PCED1B: variants seen among roughly 807,000 people sequenced by gnomAD.
PCED1B encodes PC-esterase domain containing 1B, also known as PC-esterase domain-containing protein 1B.
For missense variants in PCED1B, 573 were observed against 573.9 expected (o/e 1.00, Z 0.02); for synonymous variants, 251 against 246.1 (o/e 1.02, Z -0.19).
chr12:47,090,268 A>G (rs1243664058), intron 1 of PCED1B, among the ~76,000 whole-genome samples: 2 of 152,228 alleles, frequency 1.3e-5, no homozygotes, highest in African/African-American at 2.4e-5. Context: ...CAGAGAACTC[A>G]TATCAGAAAG....
chr12:47,108,063 T>C (rs1371311997), intron 2 of PCED1B, among the ~76,000 whole-genome samples: 1 of 152,146 alleles, frequency 6.6e-6, no homozygotes, highest in Admixed American at 6.5e-5. Flanking sequence ...GTGAGAGCCC[T>C]CAGTAAACAG....
At chr12:47,096,535 A>G (rs1479085805) in intron 1 of PCED1B, among the ~76,000 whole-genome samples, 1 of 152,096 alleles carries the variant, frequency 6.6e-6, no homozygotes, top group Non-Finnish European at 1.5e-5. Flanking sequence ...CCTCTTAAGC[A>G]CATTGAGGGC....
chr12:47,204,585 C>G (rs1303958516), intron 2 of PCED1B, among the ~76,000 whole-genome samples: 1 of 152,162 alleles, frequency 6.6e-6, no homozygotes, highest in Non-Finnish European at 1.5e-5. Context: ...AACTTTGCAA[C>G]TCCTGGTCTC....
intron 2 of PCED1B, among the ~76,000 whole-genome samples, chr12:47,188,467 A>G (rs1403049362): frequency 6.6e-6 from 1 of 152,200 alleles, no homozygotes; most frequent in African/African-American, 2.4e-5. Flanking sequence ...ATGAAATTAT[A>G]TGCTTAGGTA....
chr12:47,231,502 C>A (rs2137897577), intron 3 of PCED1B, among the ~76,000 whole-genome samples: 1 of 152,260 alleles, frequency 6.6e-6, no homozygotes, highest in Non-Finnish European at 1.5e-5. Flanking sequence ...CAAGGGTTAT[C>A]TTCTCGTGTT....
intron 2 of PCED1B, among the ~76,000 whole-genome samples, chr12:47,168,495 C>G (rs1457792161): frequency 6.6e-6 from 1 of 152,026 alleles, no homozygotes; most frequent in East Asian, 1.9e-4. Context: ...TGCTCTTTTA[C>G]TTATTATTTT....
chr12:47,176,285 G>GT (rs540802946), intron 2 of PCED1B, among the ~76,000 whole-genome samples: 48 of 152,138 alleles, frequency 3.2e-4, no homozygotes, highest in African/African-American at 1.1e-3. Context: ...TCTAATATTT[G>GT]TTTTTTTCCC....
intron 1 of PCED1B, among the ~76,000 whole-genome samples, chr12:47,089,464 A>ATATATATATG (rs1938158953): frequency 7.2e-5 from 5 of 69,342 alleles, no homozygotes; most frequent in Non-Finnish European, 1.2e-4. Flanking sequence ...AAAAATACAT[A>ATATATATATG]TATATATATA....
chr12:47,175,502 T>C (rs1941893912), intron 2 of PCED1B, among the ~76,000 whole-genome samples: 1 of 152,204 alleles, frequency 6.6e-6, no homozygotes, highest in Admixed American at 6.5e-5. Context: ...ATTTCTAGTA[T>C]ACAGAAATCC....
chr12:47,230,415 G>A lies in PCED1B; in HGVS notation c.-57-4592G>A, dbSNP rs573295338. On this transcript the variant is annotated intron_variant, in intron 3 of 3. Coordinates refer to ENST00000546455, the MANE Select transcript of PCED1B (RefSeq NM_138371.3). ...ATCATTTTCTTACACTTATTCACAC[G>A]TAAGTACTTCATAGTAGAAAATATG... 4.1e-4 allele frequency among the ~76,000 whole-genome samples: 62 copies of A among 151,126 alleles called. 1 individual carries two copies. Among genetic ancestry groups the A allele is most frequent in the African/African-American group, 1.3e-3 (55 of 41,160 alleles).
intron 2 of PCED1B, among the ~76,000 whole-genome samples, chr12:47,168,078 G>A (rs1371616043): frequency 6.6e-6 from 1 of 152,176 alleles, no homozygotes; most frequent in African/African-American, 2.4e-5. Context: ...AGAGAAAAAA[G>A]GAGAGGCCAG....
chr12:47,080,009 G>A (rs1054314215), intron 1 of PCED1B: 4 of 151,992 alleles, frequency 2.6e-5, no homozygotes, highest in African/African-American at 9.7e-5. Context: ...TGCGGAGGGG[G>A]CGGCGGCGCA....
chr12:47,189,989 A>G (rs1349775740), intron 2 of PCED1B, among the ~76,000 whole-genome samples: 1 of 152,160 alleles, frequency 6.6e-6, no homozygotes, highest in Non-Finnish European at 1.5e-5. Flanking sequence ...TCCCAGTCCC[A>G]CAGACCCTCC....
At chr12:47,222,505 C>G (rs1250614159) in intron 3 of PCED1B, among the ~76,000 whole-genome samples, 2 of 151,880 alleles carry the variant, frequency 1.3e-5, no homozygotes, top group African/African-American at 2.4e-5. Flanking sequence ...TCCTACCCCT[C>G]CAACCCCAGA....
intron 2 of PCED1B, among the ~76,000 whole-genome samples, chr12:47,198,658 G>A (rs970404086): frequency 5.9e-5 from 9 of 152,048 alleles, no homozygotes; most frequent in African/African-American, 1.4e-4. Context: ...CACAGATGAC[G>A]TGATTATGCA....
intron 2 of PCED1B, among the ~76,000 whole-genome samples, chr12:47,133,399 A>G (rs1329623156): frequency 6.6e-6 from 1 of 152,188 alleles, no homozygotes; most frequent in Non-Finnish European, 1.5e-5. Flanking sequence ...AATAAAATCG[A>G]TACATGTTTG....
At chr12:47,164,805 G>A (rs536229814) in intron 2 of PCED1B, among the ~76,000 whole-genome samples, 6 of 152,340 alleles carry the variant, frequency 3.9e-5, no homozygotes, top group South Asian at 4.1e-4. Context: ...TGTGGACCTC[G>A]ATGCTGCCAA....
intron 2 of PCED1B, among the ~76,000 whole-genome samples, chr12:47,123,134 G>GA (rs1939747528): frequency 1.3e-5 from 2 of 152,162 alleles, no homozygotes; most frequent in Non-Finnish European, 2.9e-5. Flanking sequence ...AAAATAAGGA[G>GA]ATTGTTAGTT....
chr12:47,182,335 T>C (rs1168024513), intron 2 of PCED1B, among the ~76,000 whole-genome samples: 1 of 152,204 alleles, frequency 6.6e-6, no homozygotes, highest in Non-Finnish European at 1.5e-5. Context: ...TTGCTCAGCC[T>C]GTAATCCCAG....
Sources: gnomAD v4.1 joint callset for allele counts (sites outside exome capture counted in the v4.1 genomes callset) on GRCh38, gnomAD v4.1.1 for gene constraint, MANE v1.5 for transcripts, NCBI Gene and HGNC (gene_info 2026-07-23, HGNC 2026-07-21) for gene names.